Variants in BPIFB2 observed in about 807,000 individuals in gnomAD.
BPIFB2 encodes BPI fold-containing family B member 2.
A neutral mutation model predicts 50.1 loss-of-function variants in BPIFB2; 39 were observed. That is an observed-to-expected ratio of 0.78 (90% confidence interval 0.60 to 1.02). BPIFB2 has a LOEUF of 1.02. BPIFB2 is among the 50% of genes least tolerant of loss of function. The pLI is 0.00. For synonymous variants in BPIFB2, 280 were observed against 256.3 expected, an observed-to-expected ratio of 1.09 and a Z score of -0.88; for missense variants, 574 against 585.8, an observed-to-expected ratio of 0.98 and a Z score of 0.21.
Position 33,019,566 on chromosome 20 carries a change from C to T in BPIFB2, c.910-14C>T, listed in dbSNP as rs1278625477. 5.1e-6 allele frequency: 8 copies of T among 1,573,792 alleles called. No individual in the cohort carries two copies. Among genetic ancestry groups the T allele is most frequent in the Admixed American group, 1.8e-5 (1 of 56,660 alleles). Reference sequence around the variant, plus strand: ...GCTGCCTCAGCAGGGCCTCCTCCGCCTCTGCCTCCCCAGGTGGCCCGCCAG... The same window carrying T: ...GCTGCCTCAGCAGGGCCTCCTCCGCTTCTGCCTCCCCAGGTGGCCCGCCAG... On this transcript the variant is annotated splice_polypyrimidine_tract_variant and intron_variant, in intron 10 of 15. Coordinates refer to ENST00000170150, the MANE Select transcript of BPIFB2 (RefSeq NM_025227.3).
chr20:33,020,342 A>G lies in BPIFB2; in HGVS notation c.1095A>G (p.Arg365=). ...LFSLDVVVNL[R]LQLSVSKVKL... ...CATGTGCCCAGGTAGTGAACTTGAGACTCCAGCTCTCTGTGTCCAAGGTGA... is the reference window on the plus strand; with the variant it reads ...CATGTGCCCAGGTAGTGAACTTGAGGCTCCAGCTCTCTGTGTCCAAGGTGA... Residue 365 remains arginine, a synonymous_variant, in exon 12 of 16, where the codon AGA becomes AGG. Coordinates refer to ENST00000170150, the MANE Select transcript of BPIFB2 (RefSeq NM_025227.3). The G allele has an allele frequency of 6.2e-7, 1 of 1,613,356 alleles. No homozygotes were observed. Among genetic ancestry groups the G allele is most frequent in the African/African-American group, 1.3e-5 (1 of 74,708 alleles).
At chr20:33,022,204 G>C (rs1978700243) in intron 15 of BPIFB2, among the ~76,000 whole-genome samples, 1 of 152,160 alleles carries the variant, frequency 6.6e-6, no homozygotes, top group Non-Finnish European at 1.5e-5. Context: ...TGGGCCCAGG[G>C]TGAGCTTCAG....
rs1220616687 is a variant in BPIFB2 at position 33,009,794 on chromosome 20, T to A, written c.109+1111T>A. ...CCTCCCCAGCTTGCCTGCCTGTGTT[T>A]GTTTTTGGCAGAAATCTGGCTGGAG... is the stretch of plus-strand genomic sequence containing the variant. On this transcript the variant is annotated intron_variant, in intron 2 of 15. Transcript: ENST00000170150. The surrounding 1 kb of genome is among the most constrained non-coding windows in gnomAD (Gnocchi z 4.2). Among the ~76,000 whole-genome samples the A allele has an allele frequency of 1.3e-5, 2 of 152,228 alleles. No individual in the cohort carries two copies. Among genetic ancestry groups the A allele is most frequent in the Non-Finnish European group, 2.9e-5 (2 of 68,038 alleles).
chr20:33,013,951 T>A lies in BPIFB2; in HGVS notation c.450T>A (p.Ser150Arg). The change falls in exon 5 of 16, where the codon AGT becomes AGA. Residue 150 changes from serine to arginine, a missense_variant. Ser to Arg is a moderately radical substitution (Grantham distance 110). Transcript: ENST00000170150. ...GCCACGCCAACGAGTTTGATGGCAG[T>A]AACAGGTGGGTGCCTGGTGAGGGCA... ...FSGHANEFDGSNSTSHALLVL... is the reference protein window; with the variant it reads ...FSGHANEFDGRNSTSHALLVL... 1 of 1,613,254 alleles carries A rather than the reference T, an allele frequency of 6.2e-7. No homozygotes were observed. Among genetic ancestry groups the A allele is most frequent in the South Asian group, 1.1e-5 (1 of 91,012 alleles).
chr20:33,022,539 C>T (rs1224239480), intron 15 of BPIFB2, among the ~76,000 whole-genome samples: 1 of 152,186 alleles, frequency 6.6e-6, no homozygotes, highest in Non-Finnish European at 1.5e-5. Context: ...GTGGCTGACC[C>T]ACCTTGGCAC....
rs56744014 is a variant in BPIFB2 at position 33,022,666 on chromosome 20, G to A, written c.1336-676G>A. 6.0e-3 allele frequency among the ~76,000 whole-genome samples: 915 copies of A among 152,326 alleles called. 12 individuals carry two copies. The highest frequency in any genetic ancestry group is 0.021 in the African/African-American group (872 of 41,570). Reference sequence around the variant, plus strand: ...AAAGCAGCAGCCATGATAAGCCACAGGTACATGTGGCTACTGAGCACTGAA... The same window carrying A: ...AAAGCAGCAGCCATGATAAGCCACAAGTACATGTGGCTACTGAGCACTGAA... On this transcript the variant is annotated intron_variant, in intron 15 of 15. Transcript: ENST00000170150.
Position 33,020,539 on chromosome 20 carries a change from C to T in BPIFB2, c.1149-3C>T, listed in dbSNP as rs575955642. 35 of 1,607,776 alleles carry T rather than the reference C, an allele frequency of 2.2e-5. No individual in the cohort carries two copies. In the Admixed American group the frequency reaches 5.9e-4, roughly 27 times the overall value. On this transcript the variant is annotated splice_region_variant and splice_polypyrimidine_tract_variant and intron_variant, in intron 12 of 15. Transcript: ENST00000170150. Reference sequence around the variant, plus strand: ...GTCCTGAATTCTCCTGCTTCTCTTTCAGGGATGTCCAGCTCACGGTGGCCT... The same window carrying T: ...GTCCTGAATTCTCCTGCTTCTCTTTTAGGGATGTCCAGCTCACGGTGGCCT...
Position 33,015,544 on chromosome 20 carries a change from G to T in BPIFB2, c.516+48G>T, listed in dbSNP as rs200169689. ...AGAAAGGAGGGCATGGCTTCACCGA[G>T]AAGGCACAGTGAAGAAAGAGTGGGA... On this transcript the variant is annotated intron_variant, in intron 6 of 15. Transcript: ENST00000170150. 54 of 1,505,888 alleles carry T rather than the reference G, an allele frequency of 3.6e-5. No homozygotes were observed. The African/African-American group carries it at 6.8e-4, about 19-fold the overall frequency. The allele number at this position is 1,505,888 out of a possible 1,614,324, so 93.3% of individuals were successfully genotyped here.
intron 3 of BPIFB2, among the ~76,000 whole-genome samples, 162 bp from the exon 4 acceptor site, chr20:33,012,641 C>T (rs575277543): frequency 1.3e-5 from 2 of 152,230 alleles, no homozygotes; most frequent in South Asian, 4.2e-4. Flanking sequence ...TTGCATGCCC[C>T]GTGGTGATGG....
Position 33,019,627 on chromosome 20 carries a change from G to T in BPIFB2, c.957G>T (p.Arg319=), listed in dbSNP as rs1279679101. ...CCATGCCTGTGGTGCTCAAGGTGCGGCTGGGTGCCACACCTGTGGCCATGC... is the reference window on the plus strand; with the variant it reads ...CCATGCCTGTGGTGCTCAAGGTGCGTCTGGGTGCCACACCTGTGGCCATGC... ...PEPMPVVLKV[R]LGATPVAMLH... is the part of the protein sequence containing the mutation. The change falls in exon 11 of 16, where the codon CGG becomes CGT. Residue 319 remains arginine (R), a synonymous_variant. Coordinates refer to ENST00000170150, the MANE Select transcript of BPIFB2 (RefSeq NM_025227.3). 4 of 1,610,442 alleles carry T rather than the reference G, an allele frequency of 2.5e-6. No homozygotes were observed. Among genetic ancestry groups the T allele is most frequent in the Non-Finnish European group, 8.5e-7 (1 of 1,177,858 alleles).
In BPIFB2 at chr20:33,009,178, A is replaced by G. The variant is rs549667566; in HGVS notation, c.109+495A>G. Among the ~76,000 whole-genome samples, 23 of 152,268 alleles carry G rather than the reference A, an allele frequency of 1.5e-4. No homozygotes were observed. The highest frequency in any genetic ancestry group is 5.1e-4 in the African/African-American group (21 of 41,552). On this transcript the variant is annotated intron_variant, in intron 2 of 15. Transcript: ENST00000170150. The surrounding 1 kb of genome is among the most constrained non-coding windows in gnomAD (Gnocchi z 4.2). ...AGAGGTCTGTCTAGCACCGTGATGC[A>G]AGGAGTGTTCTAAAGTTATATCCCT...
chr20:33,010,304 G>A (rs924489525), intron 2 of BPIFB2, among the ~76,000 whole-genome samples: 1 of 152,140 alleles, frequency 6.6e-6, no homozygotes, highest in African/African-American at 2.4e-5. Flanking sequence ...AACTGGGCAC[G>A]ATAACAGGAA....
chr20:33,023,282 G>T (rs1978745465), intron 15 of BPIFB2, 60 bp from the exon 16 acceptor site: 1 of 1,535,094 alleles, frequency 6.5e-7, no homozygotes, highest in Non-Finnish European at 9.0e-7. Context: ...GGCTGAGGGG[G>T]CGGCTGGGGT....
rs550556755 is a variant in BPIFB2 at position 33,011,850 on chromosome 20, G to A, written c.203+733G>A. On this transcript the variant is annotated intron_variant, in intron 3 of 15. Coordinates refer to ENST00000170150, the MANE Select transcript of BPIFB2 (RefSeq NM_025227.3). The stretch of plus-strand genomic sequence containing the variant: ...AAAAATTAGCTGGGAGTGGTGGCGT[G>A]TGCCTGTAATCCCAGCTACTCAGGA... Among the ~76,000 whole-genome samples the A allele has an allele frequency of 2.0e-5, 3 of 152,240 alleles. No homozygotes were observed. In the East Asian group the frequency reaches 5.8e-4, roughly 29 times the overall value.
Position 33,008,587 on chromosome 20 carries a change from A to G in BPIFB2, c.13A>G (p.Ser5Gly). 1 of 1,598,532 alleles carries G rather than the reference A, an allele frequency of 6.3e-7. No homozygotes were observed. The highest frequency in any genetic ancestry group is 8.5e-7 in the Non-Finnish European group (1 of 1,172,640). The change falls in exon 2 of 16, where the codon AGT becomes GGT. Residue 5 changes from serine (S) to glycine (G), a missense_variant. Transcript: ENST00000170150. ...GGCCAGGGCAGCCATGGCTTGGGCA[A>G]GTAGGCTGGGCCTGCTGCTGGCACT... MAWA[S>G]RLGLLLALLL...
chr20:33,014,638 C>T (rs1432614790), intron 5 of BPIFB2, among the ~76,000 whole-genome samples: 1 of 152,232 alleles, frequency 6.6e-6, no homozygotes, highest in Non-Finnish European at 1.5e-5. Context: ...GATGTCTGCA[C>T]CTTCCCAATG....
chr20:33,018,320 C>T lies in BPIFB2; in HGVS notation c.639C>T (p.Val213=). 1 of 1,614,080 alleles carries T rather than the reference C, an allele frequency of 6.2e-7. No individual in the cohort carries two copies. The highest frequency in any genetic ancestry group is 1.6e-4 in the Middle Eastern group (1 of 6,062). The part of the protein sequence containing the change: ...IRYSMVSVPT[V]TSDYISLEVN... ...ATTCCATGGTCAGTGTGCCCACTGTCACCAGTGACTACATTTCCCTGGAAG... is the reference window on the plus strand; with the variant it reads ...ATTCCATGGTCAGTGTGCCCACTGTTACCAGTGACTACATTTCCCTGGAAG... Residue 213 remains valine (V), a synonymous_variant, in exon 8 of 16, where the codon GTC becomes GTT. Coordinates refer to ENST00000170150, the MANE Select transcript of BPIFB2 (RefSeq NM_025227.3).
At position 33,015,503 on chromosome 20, in the gene BPIFB2, G is replaced by C. The variant is rs1600513060; in HGVS notation, c.516+7G>C. The C allele has an allele frequency of 1.9e-6, 3 of 1,608,038 alleles. No individual in the cohort carries two copies. The highest frequency in any genetic ancestry group is 2.6e-6 in the Non-Finnish European group (3 of 1,175,456). ...AGCTGTCTTGAGTAACAAGGTAAAG[G>C]GCTTGCAGATTTCTCAGAAAGGAGG... On this transcript the variant is annotated splice_region_variant and intron_variant, in intron 6 of 15. Transcript: ENST00000170150.
intron 10 of BPIFB2, 105 bp downstream of exon 10, chr20:33,019,220 T>TG: frequency 7.1e-7 from 1 of 1,401,334 alleles, no homozygotes; most frequent in Non-Finnish European, 1.0e-6. Context: ...CAAGTGAAGT[T>TG]CAGCATCTGT....
Sources: allele counts gnomAD v4.1 joint callset (sites outside exome capture counted in the v4.1 genomes callset), GRCh38; gene constraint gnomAD v4.1.1; non-coding constraint Gnocchi (gnomAD v3.1); transcripts MANE v1.5; gene names NCBI Gene and HGNC (gene_info 2026-07-23, HGNC 2026-07-21).